The following DEFB109B variants were observed in gnomAD, a reference collection of about 807,000 sequenced individuals.
DEFB109B encodes the protein defensin beta 109B.
At chr8:7,309,608 T>C (rs1219817706), upstream of DEFB109B, among the ~76,000 whole-genome samples, 3 of 147,918 alleles carry the variant, frequency 2.0e-5, no homozygotes, top group African/African-American at 5.3e-5. Context: ...CCCTTCTGCA[T>C]TGAGCATGCA....
intron 1 of DEFB109B, among the ~76,000 whole-genome samples, chr8:7,316,621 G>T (rs2043763973): frequency 7.8e-6 from 1 of 128,738 alleles, no homozygotes; most frequent in Admixed American, 7.4e-5. Context: ...CTGCATTTTG[G>T]TTTTGTTTTG....
chr8:7,316,813 AT>A lies in DEFB109B; in HGVS notation n.59-2924del, dbSNP rs371963220. On this transcript the variant is annotated intron_variant and non_coding_transcript_variant, in intron 1 of 1. Transcript: ENST00000382656. ...AGCTAATATATATATATATATATAC[AT>A]TTTTTTTTAGTAGAGACAAGTTTTC... Among the ~76,000 whole-genome samples, 33 of 99,174 alleles carry A rather than the reference AT, an allele frequency of 3.3e-4. 1 individual carries two copies. The highest frequency in any genetic ancestry group is 5.8e-4 in the African/African-American group (9 of 15,430). 65.1% of individuals were successfully genotyped at this position (99,174 alleles called of 152,430 possible).
intron 1 of DEFB109B, among the ~76,000 whole-genome samples, chr8:7,313,797 T>A (rs554828334): frequency 4.6e-5 from 6 of 130,918 alleles, no homozygotes; most frequent in Admixed American, 4.1e-4. Flanking sequence ...TTTTAAAAAA[T>A]GTTTTTCAAA....
At chr8:7,309,586 C>T (rs1274495619), upstream of DEFB109B, among the ~76,000 whole-genome samples, 83 of 147,748 alleles carry the variant, frequency 5.6e-4, 1 homozygote, top group African/African-American at 2.0e-3. Flanking sequence ...TATGACCCTG[C>T]AACAGAGCAT....
upstream of DEFB109B, among the ~76,000 whole-genome samples, chr8:7,312,168 A>G (rs1385104217): frequency 3.2e-4 from 40 of 125,302 alleles, 2 homozygotes; most frequent in Non-Finnish European, 1.7e-4. Flanking sequence ...GCTTTAAAAG[A>G]GTTTGGTGTT....
intron 1 of DEFB109B, among the ~76,000 whole-genome samples, chr8:7,313,613 C>A (rs1450483030): frequency 6.9e-6 from 1 of 144,636 alleles, no homozygotes; most frequent in African/African-American, 2.9e-5. Flanking sequence ...TACAGGTAAC[C>A]ACACAGAAAT....
At position 7,316,893 on chromosome 8, in the gene DEFB109B, G is replaced by A. The variant is rs1258600142; in HGVS notation, n.59-2853G>A. On this transcript the variant is annotated intron_variant and non_coding_transcript_variant, in intron 1 of 1. Transcript: ENST00000382656. ...CCTGACCTCGTGATCCACCCGCCTC[G>A]GCCTCCCAAAGTGCTGCAATTACAG... is the stretch of plus-strand genomic sequence containing the variant. 7.6e-4 allele frequency among the ~76,000 whole-genome samples: 95 copies of A among 125,732 alleles called. 3 individuals are homozygous for A. Among genetic ancestry groups the A allele is most frequent in the South Asian group, 1.2e-3 (5 of 4,156 alleles). The allele number at this position is 125,732 out of a possible 152,430, so 82.5% of individuals were successfully genotyped here. A position where few individuals can be genotyped will look rare whatever the true frequency, so the allele number is the denominator to read the frequency against.
intron 1 of DEFB109B, among the ~76,000 whole-genome samples, chr8:7,315,795 A>G (rs1802882313): frequency 6.9e-6 from 1 of 145,880 alleles, no homozygotes; most frequent in Non-Finnish European, 1.5e-5. Flanking sequence ...TAAGTTAATT[A>G]GCTTTTTTTA....
At chr8:7,315,463 C>T (rs1802850516) in intron 1 of DEFB109B, among the ~76,000 whole-genome samples, 1 of 134,358 alleles carries the variant, frequency 7.4e-6, no homozygotes, top group Non-Finnish European at 1.5e-5. Context: ...CGTGCCATTG[C>T]ACTCTAGCCT....
At chr8:7,313,246 C>A (rs572985956) in intron 1 of DEFB109B, among the ~76,000 whole-genome samples, 1 of 145,358 alleles carries the variant, frequency 6.9e-6, no homozygotes, top group East Asian at 2.0e-4. Context: ...GATGCCTTTG[C>A]GGGACATGGA....
chr8:7,312,197 G>A (rs1484717908), upstream of DEFB109B, among the ~76,000 whole-genome samples: 2 of 130,996 alleles, frequency 1.5e-5, no homozygotes, highest in Admixed American at 7.1e-5. Flanking sequence ...TGGGGAAAGA[G>A]CAATATGGGG....
chr8:7,315,984 A>G (rs1032206625), intron 1 of DEFB109B, among the ~76,000 whole-genome samples: 695 of 43,376 alleles, frequency 0.016, 11 homozygotes, highest in Non-Finnish European at 0.021. Flanking sequence ...CAGTTTAGTG[A>G]TATTTATGGA....
upstream of DEFB109B, among the ~76,000 whole-genome samples, chr8:7,312,233 TA>T (rs1802649095): frequency 7.4e-6 from 1 of 135,526 alleles, no homozygotes; most frequent in South Asian, 2.1e-4. Context: ...GTTAAAGCTA[TA>T]AAAAATGAAT....
chr8:7,319,223 C>G (rs1331974414), intron 1 of DEFB109B: 14 of 79,700 alleles, frequency 1.8e-4, no homozygotes, highest in African/African-American at 8.4e-4. Context: ...TATGGCAACA[C>G]AGTGAAGCCA....
At chr8:7,316,792 A>AT in intron 1 of DEFB109B, among the ~76,000 whole-genome samples, 1 of 125,460 alleles carries the variant, frequency 8.0e-6, no homozygotes, top group East Asian at 2.1e-4. Context: ...ATCTTCAGCT[A>AT]ATATATATAT....
rs1164996965 is a variant in DEFB109B, at chr8:7,313,581, A to G, written n.58+678A>G. On this transcript the variant is annotated intron_variant and non_coding_transcript_variant, in intron 1 of 1. Coordinates refer to ENST00000382656, the Ensembl canonical transcript of DEFB109B. Reference sequence around the variant, plus strand: ...GAATTAATAAGGAGCAAAGACACCAACAAGTGCTGCTCAAGGTATATTACA... The same window carrying G: ...GAATTAATAAGGAGCAAAGACACCAGCAAGTGCTGCTCAAGGTATATTACA... Among the ~76,000 whole-genome samples the G allele has an allele frequency of 7.6e-5, 11 of 144,810 alleles. No individual in the cohort carries two copies. In the East Asian group the frequency reaches 2.1e-3, roughly 28 times the overall value.
chr8:7,316,775 C>A (rs1802964741), intron 1 of DEFB109B, among the ~76,000 whole-genome samples: 1 of 139,546 alleles, frequency 7.2e-6, no homozygotes, highest in Non-Finnish European at 1.5e-5. Context: ...TACAAGTGTC[C>A]ACCACCATCT....
rs1316201242 is a variant in DEFB109B, at chr8:7,316,792, A to AATATATAT, written n.59-2942_59-2935dup. On this transcript the variant is annotated intron_variant and non_coding_transcript_variant, in intron 1 of 1. Coordinates refer to ENST00000382656, the Ensembl canonical transcript of DEFB109B. The stretch of plus-strand genomic sequence containing the variant: ...CAAGTGTCCACCACCATCTTCAGCT[A>AATATATAT]ATATATATATATATATATACATTTT... Among the ~76,000 whole-genome samples, 99 of 125,360 alleles carry AATATATAT rather than the reference A, an allele frequency of 7.9e-4. 2 individuals carry two copies. The highest frequency in any genetic ancestry group is 4.0e-3 in the African/African-American group (92 of 22,934). 82.2% of individuals were successfully genotyped at this position (125,360 alleles called of 152,430 possible).
chr8:7,315,317 C>A (rs547722249), intron 1 of DEFB109B, among the ~76,000 whole-genome samples: 3 of 133,996 alleles, frequency 2.2e-5, no homozygotes, highest in East Asian at 2.0e-4. Flanking sequence ...GTGGCTAACA[C>A]GGTGAAACCC....
Sources: allele counts gnomAD v4.1 joint callset (sites outside exome capture counted in the v4.1 genomes callset), GRCh38; gene constraint gnomAD v4.1.1; transcripts MANE v1.5; gene names NCBI Gene and HGNC (gene_info 2026-07-23, HGNC 2026-07-21).